SLC38A2: variants seen among roughly 807,000 people sequenced by gnomAD.
SLC38A2 encodes the protein sodium-coupled neutral amino acid symporter 2.
A neutral mutation model predicts 61.5 loss-of-function variants in SLC38A2; 11 were observed. The ratio of observed to expected loss-of-function variants is 0.18; its 90% CI spans 0.11 to 0.30. The LOEUF is 0.30. SLC38A2 is among the 10% of genes least tolerant of loss of function. The pLI is 1.00. For missense variants in SLC38A2, 522 were observed against 600.4 expected (o/e 0.87, Z 1.36); for synonymous variants, 217 against 212.5 (o/e 1.02, Z -0.18).
At chr12:46,362,697 T>C (rs1943095062) in intron 13 of SLC38A2, 59 bp from the exon 14 acceptor site, 2 of 1,507,810 alleles carry the variant, frequency 1.3e-6, no homozygotes, top group Admixed American at 5.3e-5. Flanking sequence ...AATTTAAAAA[T>C]CCAGCTTCAA....
intron 8 of SLC38A2, 32 bp from the exon 9 acceptor site, chr12:46,364,734 G>A (rs1208864050): frequency 3.8e-6 from 6 of 1,571,076 alleles, no homozygotes; most frequent in Non-Finnish European, 4.3e-6. Flanking sequence ...ATCAGTATTA[G>A]TTTAATGAAA....
intron 13 of SLC38A2, 77 bp from the exon 14 acceptor site, chr12:46,362,715 AAAG>A (rs1811450022): frequency 2.8e-6 from 4 of 1,426,592 alleles, no homozygotes; most frequent in Non-Finnish European, 2.8e-6. Flanking sequence ...CAATGAATGA[AAAG>A]AATGCCCAAG....
In SLC38A2 at chr12:46,360,079, C is replaced by T. The variant is rs1319276490; in HGVS notation, c.*1032G>A. ...TACTCTCTGGACACAATAATTTTGG[C>T]CTATTGCCATCAAATGCCCATTTTC... On this transcript the variant is annotated 3_prime_UTR_variant, in exon 16 of 16. Coordinates refer to ENST00000256689, the MANE Select transcript of SLC38A2 (RefSeq NM_018976.5). 2.6e-5 allele frequency: 4 copies of T among 152,612 alleles called. No individual in the cohort carries two copies. Among genetic ancestry groups the T allele is most frequent in the African/African-American group, 9.7e-5 (4 of 41,440 alleles). 9.5% of individuals were successfully genotyped at this position (152,612 alleles called of 1,614,324 possible). A position where few individuals can be genotyped will look rare whatever the true frequency, so the allele number is the denominator to read the frequency against.
Position 46,370,429 on chromosome 12 carries a change from T to A in SLC38A2, c.314+83A>T, listed in dbSNP as rs1462714763. 4 of 1,024,792 alleles carry A rather than the reference T, an allele frequency of 3.9e-6. No individual in the cohort carries two copies. In the East Asian group the frequency reaches 7.1e-5, roughly 18 times the overall value. The allele number at this position is 1,024,792 out of a possible 1,614,324, so 63.5% of individuals were successfully genotyped here. A position where few individuals can be genotyped will look rare whatever the true frequency, so the allele number is the denominator to read the frequency against. ...TAACTTTTGAGTCAGCTACTCCAAC[T>A]GTAAATTCAGTTTCTGGAGCCAAAA... On this transcript the variant is annotated intron_variant, in intron 4 of 15. Transcript: ENST00000256689.
At position 46,372,734 on chromosome 12, in the gene SLC38A2, A is replaced by G. The variant is rs1943220548; in HGVS notation, c.-312T>C. 1 of 398,444 alleles carries G rather than the reference A, an allele frequency of 2.5e-6. No homozygotes were observed. Among genetic ancestry groups the G allele is most frequent in the Non-Finnish European group, 4.4e-6 (1 of 225,920 alleles). 24.7% of individuals were successfully genotyped at this position (398,444 alleles called of 1,614,324 possible). A position where few individuals can be genotyped will look rare whatever the true frequency, so the allele number is the denominator to read the frequency against. ...GCGTGGTCGGGCTGCTGCTAGCAGT[A>G]CTGGAAAGGCGTTCTAAGGCGGCGG... On this transcript the variant is annotated 5_prime_UTR_variant, in exon 1 of 16. Coordinates refer to ENST00000256689, the MANE Select transcript of SLC38A2 (RefSeq NM_018976.5).
intron 13 of SLC38A2, 47 bp downstream of exon 13, chr12:46,362,974 T>C: frequency 6.2e-7 from 1 of 1,605,838 alleles, no homozygotes; most frequent in Non-Finnish European, 8.5e-7. Context: ...AATATTCACA[T>C]GTCTAAAAAC....
At chr12:46,366,743 A>T in intron 7 of SLC38A2, 121 bp downstream of exon 7, 1 of 935,122 alleles carries the variant, frequency 1.1e-6, no homozygotes, top group Non-Finnish European at 1.5e-6. Flanking sequence ...CTTCTTGGTC[A>T]GTTTCAAAAG....
rs150878298 is a variant in SLC38A2, at chr12:46,362,583, C to T, written c.1235G>A (p.Arg412His). 2.7e-3 allele frequency: 4,288 copies of T among 1,594,198 alleles called. 11 individuals are homozygous for T. Among genetic ancestry groups the T allele is most frequent in the Non-Finnish European group, 3.2e-3 (3,796 of 1,175,512 alleles). The stretch of plus-strand genomic sequence containing the variant: ...GATAGACACTGTAATGAGACTATGA[C>T]GCCACCAACTGAAATCTTTTGATGC... ...LCASKDFSWWRHSLITVSILA... is the reference protein window; with the variant it reads ...LCASKDFSWWHHSLITVSILA... The change falls in exon 14 of 16, where the codon CGT (arginine) becomes CAT (histidine). Residue 412 changes from arginine (R) to histidine (H), a missense_variant. Coordinates refer to ENST00000256689, the MANE Select transcript of SLC38A2 (RefSeq NM_018976.5).
intron 1 of SLC38A2, chr12:46,371,582 C>G (rs1015025231): frequency 7.8e-6 from 3 of 385,942 alleles, no homozygotes; most frequent in East Asian, 5.8e-5. Flanking sequence ...GATGCCACCG[C>G]TGTGTTGCGG....
In SLC38A2 at chr12:46,362,481, T is replaced by C. The variant is rs749822357; in HGVS notation, c.1324+13A>G. ...TGATGTTTGAATCCACTTGGATACT[T>C]TCTAAAACTTACCAATAAAACCAAA... On this transcript the variant is annotated intron_variant, in intron 14 of 15. Coordinates refer to ENST00000256689, the MANE Select transcript of SLC38A2 (RefSeq NM_018976.5). 21 of 1,592,812 alleles carry C rather than the reference T, an allele frequency of 1.3e-5. No homozygotes were observed. The highest frequency in any genetic ancestry group is 1.8e-5 in the Non-Finnish European group (21 of 1,174,156).
At chr12:46,362,773 T>A (rs947870772) in intron 13 of SLC38A2, 135 bp from the exon 14 acceptor site, 79 of 1,068,952 alleles carry the variant, frequency 7.4e-5, no homozygotes, top group Non-Finnish European at 9.4e-5. Flanking sequence ...TAAATAAAAC[T>A]GTGCCTCTTT....
chr12:46,370,057 C>T (rs1943178649), intron 4 of SLC38A2, among the ~76,000 whole-genome samples: 1 of 152,154 alleles, frequency 6.6e-6, no homozygotes, highest in Non-Finnish European at 1.5e-5. Context: ...ACCACCACAC[C>T]TTGTATGTTT....
Position 46,362,485 on chromosome 12 carries a change from A to G in SLC38A2, c.1324+9T>C. The G allele has an allele frequency of 6.3e-7, 1 of 1,592,632 alleles. No homozygotes were observed. Among genetic ancestry groups the G allele is most frequent in the South Asian group, 1.2e-5 (1 of 86,552 alleles). ...GTTTGAATCCACTTGGATACTTTCT[A>G]AAACTTACCAATAAAACCAAAGATA... is the stretch of plus-strand genomic sequence containing the variant. On this transcript the variant is annotated intron_variant, in intron 14 of 15. Coordinates refer to ENST00000256689, the MANE Select transcript of SLC38A2 (RefSeq NM_018976.5).
chr12:46,367,008 T>C (rs919019408), intron 6 of SLC38A2, 63 bp from the exon 7 acceptor site: 13 of 1,596,680 alleles, frequency 8.1e-6, no homozygotes, highest in Admixed American at 1.7e-5. Context: ...CTAAAACGCA[T>C]GTGTCACCAT....
chr12:46,366,797 G>A (rs1943142991), intron 7 of SLC38A2, 67 bp downstream of exon 7: 1 of 1,378,280 alleles, frequency 7.3e-7, no homozygotes. Flanking sequence ...ATACAACTTT[G>A]ATAAAAATGT....
chr12:46,362,937 C>A, intron 13 of SLC38A2, 84 bp downstream of exon 13: 1 of 1,544,110 alleles, frequency 6.5e-7, no homozygotes, highest in South Asian at 1.2e-5. Flanking sequence ...TGGTGTTTCC[C>A]TTCTTCCAGA....
At chr12:46,370,425 C>T in intron 4 of SLC38A2, 87 bp downstream of exon 4, 1 of 976,892 alleles carries the variant, frequency 1.0e-6, no homozygotes, top group Non-Finnish European at 1.6e-6. Context: ...TCAGCTACTC[C>T]AACTGTAAAT....
chr12:46,371,473 A>T (rs919855920), intron 1 of SLC38A2, 94 bp from the exon 2 acceptor site: 30 of 571,254 alleles, frequency 5.3e-5, no homozygotes, highest in Non-Finnish European at 8.6e-5. Context: ...GATTCATCCC[A>T]GGCCAGGCGA....
rs1340643391 is a variant in SLC38A2, at chr12:46,360,714, C to T, written c.*397G>A. ...TTGTCAATGGTTATTCAATATTTTGCTGTAAATTAAAAAGAATTGTTTCTC... is the reference window on the plus strand; with the variant it reads ...TTGTCAATGGTTATTCAATATTTTGTTGTAAATTAAAAAGAATTGTTTCTC... On this transcript the variant is annotated 3_prime_UTR_variant, in exon 16 of 16. Transcript: ENST00000256689. 1 of 162,930 alleles carries T rather than the reference C, an allele frequency of 6.1e-6. No individual in the cohort carries two copies. The highest frequency in any genetic ancestry group is 1.3e-5 in the Non-Finnish European group (1 of 75,292). The allele number at this position is 162,930 out of a possible 1,614,324, so 10.1% of individuals were successfully genotyped here.
Sources: gnomAD v4.1 joint callset for allele counts (sites outside exome capture counted in the v4.1 genomes callset) on GRCh38, gnomAD v4.1.1 for gene constraint, MANE v1.5 for transcripts, NCBI Gene and HGNC (gene_info 2026-07-23, HGNC 2026-07-21) for gene names.